CCBE1: variants seen among roughly 807,000 people sequenced by gnomAD.
CCBE1 encodes collagen and calcium-binding EGF domain-containing protein 1.
Under a neutral mutation model 50.0 loss-of-function variants are expected in CCBE1, and 37 were observed. The observed-to-expected ratio is 0.74, with a 90% CI of 0.57 to 0.97. The LOEUF (loss-of-function observed/expected upper bound fraction) is 0.97. Among genes scored for constraint, CCBE1 ranks in the 50% least tolerant of loss-of-function variants. The pLI, the probability that CCBE1 is intolerant of heterozygous loss-of-function variation, is 0.00. For synonymous variants in CCBE1, 234 were observed against 203.7 expected, an observed-to-expected ratio of 1.15 and a Z score of -1.27; for missense variants, 538 against 523.8, an observed-to-expected ratio of 1.03 and a Z score of -0.26.
In CCBE1 at chr18:59,455,881, C is replaced by T. The variant is rs547323166; in HGVS notation, c.554-930G>A. On this transcript the variant is annotated intron_variant, in intron 5 of 10. Transcript: ENST00000439986. ...CTCTCTTCGCTTAGCAGCCCTTTGG[C>T]GTTGGGCCAGGTTTGCTCTTTGTGT... Among the ~76,000 whole-genome samples, 257 of 152,356 alleles carry T rather than the reference C, an allele frequency of 1.7e-3. 2 individuals are homozygous for T. Among genetic ancestry groups the T allele is most frequent in the African/African-American group, 5.7e-3 (239 of 41,588 alleles).
intron 2 of CCBE1, among the ~76,000 whole-genome samples, chr18:59,491,079 A>G (rs980502732): frequency 9.2e-5 from 14 of 152,180 alleles, no homozygotes; most frequent in Non-Finnish European, 1.6e-4. Context: ...ATTTATTTTG[A>G]TTTTATCCTT....
chr18:59,608,236 G>A (rs375711107), intron 2 of CCBE1, among the ~76,000 whole-genome samples: 3 of 152,170 alleles, frequency 2.0e-5, no homozygotes, highest in Non-Finnish European at 4.4e-5. Flanking sequence ...CATTTGTCAC[G>A]AGTGTTCAAT....
chr18:59,573,286 T>A (rs1184786458), intron 2 of CCBE1, among the ~76,000 whole-genome samples: 1 of 116,366 alleles, frequency 8.6e-6, no homozygotes, highest in African/African-American at 4.6e-5. Context: ...CTCCGTCTAA[T>A]ATATATATAT....
rs201548137 is a variant in CCBE1, at chr18:59,675,910, A to T, written c.212+20719T>A. Among the ~76,000 whole-genome samples, 38 of 152,336 alleles carry T rather than the reference A, an allele frequency of 2.5e-4. No homozygotes were observed. The East Asian group carries it at 3.1e-3, about 12-fold the overall frequency. On this transcript the variant is annotated intron_variant, in intron 2 of 10. Transcript: ENST00000439986. ...GAGGCAAACAAAAGTAAATGGTGCA[A>T]TGTTAAAAATCAGTATTTGGTTAGG...
chr18:59,562,174 C>T (rs1428303588), intron 2 of CCBE1, among the ~76,000 whole-genome samples: 2 of 151,720 alleles, frequency 1.3e-5, no homozygotes, highest in Non-Finnish European at 1.5e-5. Flanking sequence ...CATTACCTCC[C>T]TTAGTCCTTT....
chr18:59,672,282 A>G (rs532405152), intron 2 of CCBE1, among the ~76,000 whole-genome samples: 42 of 152,304 alleles, frequency 2.8e-4, no homozygotes, highest in African/African-American at 8.7e-4. Context: ...ACTTGCCTGC[A>G]GTAAGCAACA....
chr18:59,526,404 G>C (rs1489291887), intron 2 of CCBE1, among the ~76,000 whole-genome samples: 1 of 151,532 alleles, frequency 6.6e-6, no homozygotes, highest in Non-Finnish European at 1.5e-5. Flanking sequence ...CCGCCTCCTG[G>C]GTTCAAGCAA....
chr18:59,660,756 C>G (rs1290428613), intron 2 of CCBE1, among the ~76,000 whole-genome samples: 1 of 152,028 alleles, frequency 6.6e-6, no homozygotes, highest in Non-Finnish European at 1.5e-5. Flanking sequence ...TAAAGTAATT[C>G]AAAAATACTT....
chr18:59,542,500 A>G (rs1172674787), intron 2 of CCBE1, among the ~76,000 whole-genome samples: 1 of 152,254 alleles, frequency 6.6e-6, no homozygotes, highest in African/African-American at 2.4e-5. Flanking sequence ...ACTTAAAAAG[A>G]ATTCCTGTAA....
chr18:59,457,930 T>C (rs1233523054), intron 5 of CCBE1, among the ~76,000 whole-genome samples: 2 of 152,240 alleles, frequency 1.3e-5, no homozygotes, highest in African/African-American at 4.8e-5. Context: ...GGCTGACGCC[T>C]TAACTTTGGT....
intron 2 of CCBE1, among the ~76,000 whole-genome samples, chr18:59,624,169 C>G (rs2053747401): frequency 6.6e-6 from 1 of 152,258 alleles, no homozygotes; most frequent in East Asian, 1.9e-4. Flanking sequence ...CTTTTCAACT[C>G]TAGCTGCCTC....
At chr18:59,581,585 C>T (rs1278398223) in intron 2 of CCBE1, among the ~76,000 whole-genome samples, 1 of 152,162 alleles carries the variant, frequency 6.6e-6, no homozygotes, top group Non-Finnish European at 1.5e-5. Flanking sequence ...TTAGAAATAG[C>T]TCATGGTTCC....
At chr18:59,592,580 T>C (rs887472725) in intron 2 of CCBE1, among the ~76,000 whole-genome samples, 8 of 152,216 alleles carry the variant, frequency 5.3e-5, no homozygotes, top group Non-Finnish European at 1.5e-5. Flanking sequence ...ACACACTGTA[T>C]GCCAACTTTA....
chr18:59,642,106 C>T (rs1038010939), intron 2 of CCBE1, among the ~76,000 whole-genome samples: 3 of 152,144 alleles, frequency 2.0e-5, no homozygotes, highest in African/African-American at 7.2e-5. Context: ...CTTTCTGCAG[C>T]ACATAACCTG....
At chr18:59,671,148 T>C (rs2054424180) in intron 2 of CCBE1, among the ~76,000 whole-genome samples, 1 of 152,064 alleles carries the variant, frequency 6.6e-6, no homozygotes, top group Non-Finnish European at 1.5e-5. Context: ...AGGGAGGCAG[T>C]AGCTGCTGAC....
intron 2 of CCBE1, among the ~76,000 whole-genome samples, chr18:59,551,352 A>G (rs1915924441): frequency 6.6e-6 from 1 of 152,252 alleles, no homozygotes; most frequent in Non-Finnish European, 1.5e-5. Flanking sequence ...ACTAACCATA[A>G]GTACAGCCTG....
rs561759226 is a variant in CCBE1, at chr18:59,552,274, C to A, written c.213-72036G>T. ...AAGCCACAAGGAGTTAAGAAATGGA[C>A]TCTCCCTCTTAAAGGCCTGCAAATT... On this transcript the variant is annotated intron_variant, in intron 2 of 10. Transcript: ENST00000439986. Among the ~76,000 whole-genome samples the A allele has an allele frequency of 2.5e-3, 374 of 152,320 alleles. 3 individuals carry two copies. The highest frequency in any genetic ancestry group is 8.6e-3 in the African/African-American group (358 of 41,576).
intron 2 of CCBE1, among the ~76,000 whole-genome samples, chr18:59,639,255 C>A (rs544045714): frequency 1.4e-3 from 214 of 152,160 alleles, no homozygotes; most frequent in African/African-American, 5.0e-3. Flanking sequence ...GGTGACAGAG[C>A]AAAACCCTGT....
intron 2 of CCBE1, among the ~76,000 whole-genome samples, chr18:59,499,086 C>T (rs1198587818): frequency 6.6e-6 from 1 of 152,198 alleles, no homozygotes; most frequent in African/African-American, 2.4e-5. Flanking sequence ...ATCCTAAGCA[C>T]TGCTAGAAAG....
Sources: gnomAD v4.1 joint callset for allele counts (sites outside exome capture counted in the v4.1 genomes callset) on GRCh38, gnomAD v4.1.1 for gene constraint, MANE v1.5 for transcripts, NCBI Gene and HGNC (gene_info 2026-07-23, HGNC 2026-07-21) for gene names.